Variants in CAAP1 observed in about 807,000 individuals in gnomAD.
The protein encoded by CAAP1 is conserved anti-apoptotic protein.
A neutral mutation model predicts 34.0 loss-of-function variants in CAAP1; 20 were observed. The ratio of observed to expected loss-of-function variants is 0.59; its 90% CI spans 0.41 to 0.86. CAAP1 has a LOEUF of 0.86. CAAP1 is among the 40% of genes least tolerant of loss of function. The pLI, the probability that CAAP1 is intolerant of heterozygous loss-of-function variation, is 0.00. For missense variants in CAAP1, 538 were observed against 450.5 expected (o/e 1.19, Z -1.76); for synonymous variants, 213 against 166.7 (o/e 1.28, Z -2.14).
chr9:26,871,209 T>C (rs1823267719), intron 4 of CAAP1, among the ~76,000 whole-genome samples: 1 of 152,200 alleles, frequency 6.6e-6, no homozygotes, highest in Non-Finnish European at 1.5e-5. Flanking sequence ...AAATTCTTAG[T>C]ATTCTAATGA....
rs566463692 is a variant in CAAP1 at position 26,842,169 on chromosome 9, T to C, written c.*132A>G. ...ATAAAAAGAAACAGCCACAGGTAAT[T>C]TAGGGCTAAAATGAGTCCTAATAAG... On this transcript the variant is annotated 3_prime_UTR_variant, in exon 6 of 6. Coordinates refer to ENST00000333916, the MANE Select transcript of CAAP1 (RefSeq NM_024828.4). The C allele has an allele frequency of 1.2e-4, 77 of 644,698 alleles. No individual in the cohort carries two copies. In the East Asian group the frequency reaches 2.1e-3, roughly 18 times the overall value. 39.9% of individuals were successfully genotyped at this position (644,698 alleles called of 1,614,324 possible).
intron 5 of CAAP1, among the ~76,000 whole-genome samples, chr9:26,843,392 T>G (rs754550733): frequency 9.9e-5 from 15 of 152,228 alleles, no homozygotes; most frequent in Non-Finnish European, 1.9e-4. Flanking sequence ...AGGCATCATT[T>G]GCAACTTTGA....
intron 4 of CAAP1, among the ~76,000 whole-genome samples, chr9:26,880,927 T>TA (rs1179851033): frequency 1.1e-4 from 16 of 152,158 alleles, no homozygotes; most frequent in African/African-American, 3.9e-4. Context: ...CCAACCACCT[T>TA]AGTCTTCCAA....
At position 26,860,608 on chromosome 9, in the gene CAAP1, C is replaced by T. The variant is rs527386839; in HGVS notation, c.739+458G>A. 5.3e-5 allele frequency among the ~76,000 whole-genome samples: 8 copies of T among 152,118 alleles called. No individual in the cohort carries two copies. In the East Asian group the frequency reaches 5.8e-4, roughly 11 times the overall value. ...GAGATCTAGACCATCCTGGCTAACA[C>T]GGTGAAACCCTGTCTCTACTAAAAA... is the stretch of plus-strand genomic sequence containing the variant. On this transcript the variant is annotated intron_variant, in intron 5 of 5. Transcript: ENST00000333916.
intron 5 of CAAP1, among the ~76,000 whole-genome samples, chr9:26,859,738 C>T (rs1822963701): frequency 6.6e-6 from 1 of 152,064 alleles, no homozygotes; most frequent in South Asian, 2.1e-4. Context: ...TGGCGGTGCT[C>T]AGAAGAAGTC....
rs1429416105 is a variant in CAAP1 at position 26,842,217 on chromosome 9, A to G, written c.*84T>C. The stretch of plus-strand genomic sequence containing the variant: ...AAGGGTTACATGAGAAATAACATAT[A>G]AGACCCCAAATAAATTTTAGATACA... On this transcript the variant is annotated 3_prime_UTR_variant, in exon 6 of 6. Transcript: ENST00000333916. The G allele has an allele frequency of 9.2e-7, 1 of 1,090,324 alleles. No individual in the cohort carries two copies. Among genetic ancestry groups the G allele is most frequent in the East Asian group, 2.5e-5 (1 of 39,890 alleles). 67.5% of individuals were successfully genotyped at this position (1,090,324 alleles called of 1,614,324 possible).
At chr9:26,854,536 A>C (rs1414079835) in intron 5 of CAAP1, among the ~76,000 whole-genome samples, 2 of 152,166 alleles carry the variant, frequency 1.3e-5, no homozygotes, top group Non-Finnish European at 2.9e-5. Flanking sequence ...ACAAAGTCTC[A>C]CCTGAATAAA....
chr9:26,866,047 A>T (rs1274372508), intron 4 of CAAP1, among the ~76,000 whole-genome samples: 7 of 152,142 alleles, frequency 4.6e-5, no homozygotes, highest in Non-Finnish European at 1.0e-4. Context: ...GGGTTTCACC[A>T]TGTTGGCCAG....
intron 5 of CAAP1, among the ~76,000 whole-genome samples, chr9:26,851,803 T>C (rs1488579574): frequency 6.6e-6 from 1 of 152,054 alleles, no homozygotes; most frequent in African/African-American, 2.4e-5. Flanking sequence ...AAGCAACTTT[T>C]CCCCCTCAAG....
chr9:26,852,992 G>A (rs1348032163), intron 5 of CAAP1, among the ~76,000 whole-genome samples: 1 of 152,198 alleles, frequency 6.6e-6, no homozygotes, highest in African/African-American at 2.4e-5. Context: ...AGCAGAGAGA[G>A]CAAGGTGGAG....
chr9:26,875,874 C>T (rs769030471), intron 4 of CAAP1, among the ~76,000 whole-genome samples: 4 of 151,746 alleles, frequency 2.6e-5, no homozygotes, highest in South Asian at 2.1e-4. Flanking sequence ...TTTAAAACAT[C>T]GCTTAGGTCA....
chr9:26,868,881 T>C (rs1475829180), intron 4 of CAAP1, among the ~76,000 whole-genome samples: 1 of 152,252 alleles, frequency 6.6e-6, no homozygotes, highest in Non-Finnish European at 1.5e-5. Context: ...TTGCTTGTAC[T>C]CTGCTTCAGA....
rs115821804 is a variant in CAAP1 at position 26,873,472 on chromosome 9, T to C, written c.665+11338A>G. On this transcript the variant is annotated intron_variant, in intron 4 of 5. Coordinates refer to ENST00000333916, the MANE Select transcript of CAAP1 (RefSeq NM_024828.4). ...AATTTTAAAACTGCTAAGATTTCCC[T>C]ACAGTATACTTTTATTCCTTATATA... Among the ~76,000 whole-genome samples the C allele has an allele frequency of 4.4e-3, 668 of 152,312 alleles. 6 individuals are homozygous for C. Among genetic ancestry groups the C allele is most frequent in the African/African-American group, 0.015 (618 of 41,562 alleles).
At chr9:26,875,323 C>G (rs1267578432) in intron 4 of CAAP1, among the ~76,000 whole-genome samples, 1 of 151,964 alleles carries the variant, frequency 6.6e-6, no homozygotes, top group African/African-American at 2.4e-5. Context: ...GAGGTGGAGG[C>G]TGCAATGAGC....
At chr9:26,858,265 G>C (rs1822919268) in intron 5 of CAAP1, among the ~76,000 whole-genome samples, 1 of 152,128 alleles carries the variant, frequency 6.6e-6, no homozygotes, top group Admixed American at 6.6e-5. Context: ...ATTACAAATA[G>C]ACAATATTAG....
intron 1 of CAAP1, among the ~76,000 whole-genome samples, chr9:26,890,837 C>G (rs564414365): frequency 1.3e-5 from 2 of 151,858 alleles, no homozygotes. Flanking sequence ...CCCAGCTACT[C>G]GGGAGGCTGA....
chr9:26,890,913 C>T (rs1823887536), intron 1 of CAAP1, among the ~76,000 whole-genome samples: 1 of 152,130 alleles, frequency 6.6e-6, no homozygotes, highest in Non-Finnish European at 1.5e-5. Flanking sequence ...CCACTGCACT[C>T]CGGCCTGGGC....
intron 4 of CAAP1, among the ~76,000 whole-genome samples, chr9:26,865,303 T>A (rs1823108640): frequency 6.6e-6 from 1 of 152,040 alleles, no homozygotes; most frequent in African/African-American, 2.4e-5. Context: ...GGTAGGCAGA[T>A]CACCTGAGGT....
intron 5 of CAAP1, among the ~76,000 whole-genome samples, chr9:26,843,970 T>C (rs1320213222): frequency 6.6e-6 from 1 of 152,178 alleles, no homozygotes; most frequent in African/African-American, 2.4e-5. Context: ...GCAACAAATA[T>C]TTCCAAATAG....
Sources: gnomAD v4.1 joint callset for allele counts (sites outside exome capture counted in the v4.1 genomes callset) on GRCh38, gnomAD v4.1.1 for gene constraint, MANE v1.5 for transcripts, NCBI Gene and HGNC (gene_info 2026-07-23, HGNC 2026-07-21) for gene names.